The following MGAT4C variants were observed in gnomAD, a reference collection of about 807,000 sequenced individuals.
MGAT4C encodes the protein MGAT4 family member C.
Under a neutral mutation model 40.1 loss-of-function variants are expected in MGAT4C, and 19 were observed. That is an observed-to-expected ratio of 0.47 (90% confidence interval 0.33 to 0.70). The LOEUF is 0.70. MGAT4C is among the 30% of genes least tolerant of loss of function. MGAT4C has a pLI of 0.02. For synonymous variants in MGAT4C, 181 were observed against 187.1 expected (o/e 0.97, Z 0.27); for missense variants, 491 against 563.2 (o/e 0.87, Z 1.30).
intron 2 of MGAT4C, among the ~76,000 whole-genome samples, chr12:86,026,999 C>G (rs1890300990): frequency 6.6e-6 from 1 of 151,966 alleles, no homozygotes; most frequent in African/African-American, 2.4e-5. Flanking sequence ...TTTCTAAAGT[C>G]ATTATTAACT....
chr12:86,629,030 C>A (rs547182480), intron 2 of MGAT4C, among the ~76,000 whole-genome samples: 1 of 151,770 alleles, frequency 6.6e-6, no homozygotes, highest in Non-Finnish European at 1.5e-5. Flanking sequence ...CAGAGACACA[C>A]ATAGGCTCAA....
At chr12:86,500,267 A>C (rs957217553) in intron 2 of MGAT4C, among the ~76,000 whole-genome samples, 4 of 151,816 alleles carry the variant, frequency 2.6e-5, no homozygotes, top group Non-Finnish European at 5.9e-5. Flanking sequence ...ATTAGATCCA[A>C]AAAAGTAGAA....
chr12:86,603,430 T>C (rs1404049633), intron 2 of MGAT4C, among the ~76,000 whole-genome samples: 1 of 120,758 alleles, frequency 8.3e-6, no homozygotes, highest in Non-Finnish European at 1.6e-5. Flanking sequence ...GTATATAGTA[T>C]ATATACTATA....
At chr12:86,598,116 T>C (rs1961611769) in intron 2 of MGAT4C, among the ~76,000 whole-genome samples, 1 of 152,230 alleles carries the variant, frequency 6.6e-6, no homozygotes, top group South Asian at 2.1e-4. Flanking sequence ...TCTATGTTTA[T>C]ATATGTTTAG....
chr12:86,241,269 C>G lies in MGAT4C; in HGVS notation c.-57+14970G>C, dbSNP rs993961617. Among the ~76,000 whole-genome samples, 6 of 152,204 alleles carry G rather than the reference C, an allele frequency of 3.9e-5. No individual in the cohort carries two copies. The East Asian group carries it at 1.2e-3, about 29-fold the overall frequency. Reference sequence around the variant, plus strand: ...AGTCACTTTATGACTATACATGTATCATGCCCCACAATAAAATTAGTCCCT... The same window carrying G: ...AGTCACTTTATGACTATACATGTATGATGCCCCACAATAAAATTAGTCCCT... On this transcript the variant is annotated intron_variant, in intron 1 of 4. Transcript: ENST00000611864.
At chr12:86,520,282 T>A (rs899202125) in intron 2 of MGAT4C, among the ~76,000 whole-genome samples, 1 of 152,166 alleles carries the variant, frequency 6.6e-6, no homozygotes, top group African/African-American at 2.4e-5. Flanking sequence ...CCATATGTTC[T>A]CATCATTTAG....
chr12:86,207,707 T>C (rs1316719006), intron 1 of MGAT4C, among the ~76,000 whole-genome samples: 1 of 152,178 alleles, frequency 6.6e-6, no homozygotes, highest in African/African-American at 2.4e-5. Context: ...CAATAACTTA[T>C]GTAGGTAATA....
intron 4 of MGAT4C, among the ~76,000 whole-genome samples, chr12:86,333,114 A>G: frequency 6.6e-6 from 1 of 152,138 alleles, no homozygotes; most frequent in Non-Finnish European, 1.5e-5. Flanking sequence ...CTCCTGATAA[A>G]TTAATGACAG....
intron 2 of MGAT4C, among the ~76,000 whole-genome samples, chr12:86,004,484 C>T (rs1433145458): frequency 6.6e-6 from 1 of 151,992 alleles, no homozygotes; most frequent in African/African-American, 2.4e-5. Context: ...TATTCTGATT[C>T]TTCTCTGAAA....
intron 4 of MGAT4C, among the ~76,000 whole-genome samples, chr12:86,317,843 C>A (rs1004452829): frequency 6.6e-6 from 1 of 150,650 alleles, no homozygotes; most frequent in African/African-American, 2.4e-5. Flanking sequence ...GTGCCTTTAG[C>A]GGAAGGATTT....
chr12:86,538,266 G>A (rs746079792), intron 2 of MGAT4C, among the ~76,000 whole-genome samples: 1 of 152,198 alleles, frequency 6.6e-6, no homozygotes, highest in Non-Finnish European at 1.5e-5. Flanking sequence ...GAGTTAAGAA[G>A]AGAGGAATTA....
rs1890030971 is a variant in MGAT4C at position 86,024,052 on chromosome 12, C to A, written c.-7+25622G>T. 2.6e-5 allele frequency among the ~76,000 whole-genome samples: 4 copies of A among 151,922 alleles called. No individual in the cohort carries two copies. In the South Asian group the frequency reaches 8.3e-4, roughly 32 times the overall value. On this transcript the variant is annotated intron_variant, in intron 2 of 4. Coordinates refer to ENST00000611864, the MANE Select transcript of MGAT4C (RefSeq NM_001351288.2). ...TATACAGAGAAAGATTAAAGAACTA[C>A]AATGACATATTAATAGTGATAGTAT...
rs151331402 is a variant in MGAT4C at position 86,819,759 on chromosome 12, C to T, written c.-262+18907G>A. Among the ~76,000 whole-genome samples the T allele has an allele frequency of 4.3e-4, 65 of 150,760 alleles. 1 individual carries two copies. Among genetic ancestry groups the T allele is most frequent in the Admixed American group, 1.3e-3 (20 of 15,050 alleles). On this transcript the variant is annotated intron_variant, in intron 1 of 7. Transcript: ENST00000548651. ...TTAGAGTTAATTAGAATATCTTCAA[C>T]AGTTTGCTCTAAATCATAATTATAA...
upstream of MGAT4C, among the ~76,000 whole-genome samples, chr12:86,257,340 C>T (rs75077724): frequency 6.6e-6 from 1 of 152,312 alleles, no homozygotes; most frequent in Non-Finnish European, 1.5e-5. Flanking sequence ...GCTTTCCCTA[C>T]TGAAAGGAGC....
At position 86,483,896 on chromosome 12, in the gene MGAT4C, C is replaced by A. The variant is rs140789181; in HGVS notation, c.-228-48631G>T. Among the ~76,000 whole-genome samples, 10 of 148,924 alleles carry A rather than the reference C, an allele frequency of 6.7e-5. No individual in the cohort carries two copies. In the East Asian group the frequency reaches 2.0e-3, roughly 30 times the overall value. On this transcript the variant is annotated intron_variant, in intron 2 of 7. Coordinates refer to the MGAT4C transcript ENST00000548651. ...GAGAGAGACCAAAATATCAAGTACACCAACATATTTTAAACAAATATTTAG... is the reference window on the plus strand; with the variant it reads ...GAGAGAGACCAAAATATCAAGTACAACAACATATTTTAAACAAATATTTAG...
intron 4 of MGAT4C, among the ~76,000 whole-genome samples, chr12:86,292,682 C>T (rs61950674): frequency 0.079 from 12,091 of 152,194 alleles, 680 homozygotes; most frequent in Middle Eastern, 0.21. Context: ...ACTGCTGTTC[C>T]ATTCTATTTG....
chr12:86,162,655 TATAATA>T (rs1885729643), intron 1 of MGAT4C, among the ~76,000 whole-genome samples: 2 of 152,210 alleles, frequency 1.3e-5, no homozygotes, highest in South Asian at 2.1e-4. Context: ...AAGTAAAAAT[TATAATA>T]ATAATAATAG....
chr12:86,427,397 C>G (rs950780033), intron 3 of MGAT4C, among the ~76,000 whole-genome samples: 34 of 151,842 alleles, frequency 2.2e-4, no homozygotes, highest in Admixed American at 5.3e-4. Flanking sequence ...TATATATTTT[C>G]TTTTACTTTT....
chr12:86,605,217 G>A (rs1489029516), intron 2 of MGAT4C, among the ~76,000 whole-genome samples: 1 of 151,994 alleles, frequency 6.6e-6, no homozygotes, highest in Non-Finnish European at 1.5e-5. Context: ...GGATATAAAG[G>A]TACTTTTCAA....
Sources: allele counts gnomAD v4.1 joint callset (sites outside exome capture counted in the v4.1 genomes callset), GRCh38; gene constraint gnomAD v4.1.1; transcripts MANE v1.5; gene names NCBI Gene and HGNC (gene_info 2026-07-23, HGNC 2026-07-21).